Variants in GPR39 observed in about 807,000 individuals in gnomAD.
The protein encoded by GPR39 is zinc sensing receptor.
A neutral mutation model predicts 18.4 loss-of-function variants in GPR39; 23 were observed. The observed-to-expected ratio is 1.25, with a 90% CI of 0.90 to 1.77. The LOEUF (loss-of-function observed/expected upper bound fraction) is 1.77, where lower values mean the gene tolerates loss of function less well. GPR39 is among the 40% of genes most tolerant of loss of function. GPR39 has a pLI of 0.00. For synonymous variants in GPR39, 280 were observed against 257.9 expected, an observed-to-expected ratio of 1.09 and a Z score of -0.82; for missense variants, 647 against 602.4, an observed-to-expected ratio of 1.07 and a Z score of -0.78.
intron 1 of GPR39, among the ~76,000 whole-genome samples, chr2:132,567,818 T>G (rs988440078): frequency 2.6e-5 from 4 of 152,200 alleles, no homozygotes; most frequent in African/African-American, 9.6e-5. Flanking sequence ...TTAATTGGTC[T>G]TTCCTGTGCG....
chr2:132,600,867 C>G (rs1317906298), intron 1 of GPR39, among the ~76,000 whole-genome samples: 1 of 152,006 alleles, frequency 6.6e-6, no homozygotes, highest in African/African-American at 2.4e-5. Context: ...GTAGTGAAGT[C>G]TGGGCTTTTA....
chr2:132,591,329 C>T (rs1260708645), intron 1 of GPR39, among the ~76,000 whole-genome samples: 2 of 151,720 alleles, frequency 1.3e-5, no homozygotes, highest in Non-Finnish European at 2.9e-5. Flanking sequence ...GTCTTCTGGC[C>T]TCCATCTTTC....
intron 1 of GPR39, among the ~76,000 whole-genome samples, chr2:132,564,109 A>G (rs771245633): frequency 6.7e-4 from 102 of 152,354 alleles, no homozygotes; most frequent in Middle Eastern, 6.8e-3. Flanking sequence ...ACCTGTCAGG[A>G]ACATATTTAT....
At chr2:132,548,229 G>A (rs1299681817) in intron 1 of GPR39, among the ~76,000 whole-genome samples, 1 of 152,142 alleles carries the variant, frequency 6.6e-6, no homozygotes, top group Non-Finnish European at 1.5e-5. Context: ...ATTTGGTGCT[G>A]CTCGTGCTGA....
At chr2:132,550,912 AG>A (rs1352125022) in intron 1 of GPR39, among the ~76,000 whole-genome samples, 1 of 152,174 alleles carries the variant, frequency 6.6e-6, no homozygotes, top group Non-Finnish European at 1.5e-5. Context: ...AATTTTGGAA[AG>A]GGGGCTTTGT....
intron 1 of GPR39, among the ~76,000 whole-genome samples, chr2:132,575,804 T>C (rs886605138): frequency 1.3e-5 from 2 of 152,210 alleles, no homozygotes; most frequent in Non-Finnish European, 2.9e-5. Flanking sequence ...CCTCCTAAAA[T>C]TGATATGATG....
At chr2:132,634,874 C>CCCATAGGG (rs1681720877) in intron 1 of GPR39, among the ~76,000 whole-genome samples, 1 of 152,058 alleles carries the variant, frequency 6.6e-6, no homozygotes, top group African/African-American at 2.4e-5. Flanking sequence ...CTGTTTGTAC[C>CCCATAGGG]CCATAGGGCC....
chr2:132,623,193 A>T (rs1420758946), intron 1 of GPR39, among the ~76,000 whole-genome samples: 1 of 152,150 alleles, frequency 6.6e-6, no homozygotes, highest in Non-Finnish European at 1.5e-5. Context: ...AGGAAAAAAA[A>T]AGTCAGAGCT....
chr2:132,574,888 A>C (rs921082191), intron 1 of GPR39, among the ~76,000 whole-genome samples: 4 of 152,158 alleles, frequency 2.6e-5, no homozygotes, highest in African/African-American at 9.7e-5. Flanking sequence ...TTTAAGATTA[A>C]ACAGGCACTA....
intron 1 of GPR39, among the ~76,000 whole-genome samples, chr2:132,587,351 G>C (rs1358605480): frequency 6.6e-6 from 1 of 152,180 alleles, no homozygotes; most frequent in Non-Finnish European, 1.5e-5. Flanking sequence ...ATTACTCTCT[G>C]TCATAATAGG....
intron 1 of GPR39, among the ~76,000 whole-genome samples, chr2:132,530,740 A>T (rs1435644032): frequency 6.6e-6 from 1 of 152,256 alleles, no homozygotes; most frequent in African/African-American, 2.4e-5. Flanking sequence ...AGAATTTCAT[A>T]TCCAGCCAAA....
intron 1 of GPR39, among the ~76,000 whole-genome samples, chr2:132,432,768 C>T (rs1187387628): frequency 2.6e-5 from 4 of 152,040 alleles, no homozygotes; most frequent in Non-Finnish European, 4.4e-5. Flanking sequence ...GGTATATGTC[C>T]CAATCTCCTT....
In GPR39 at chr2:132,575,369, TATAAGAA is replaced by T. The variant is rs1309240111; in HGVS notation, c.857-69725_857-69719del. On this transcript the variant is annotated intron_variant, in intron 1 of 1. Coordinates refer to ENST00000329321, the MANE Select transcript of GPR39 (RefSeq NM_001508.3). ...AGATAAAGGTAAATTCATCTGCAAT[TATAAGAA>T]ATAAGAGATCCCTCACACCTTCTAC... 1.5e-4 allele frequency among the ~76,000 whole-genome samples: 23 copies of T among 152,350 alleles called. 1 individual carries two copies. The highest frequency in any genetic ancestry group is 5.2e-4 in the Admixed American group (8 of 15,306).
At chr2:132,529,479 G>C (rs527693637) in intron 1 of GPR39, among the ~76,000 whole-genome samples, 10 of 152,330 alleles carry the variant, frequency 6.6e-5, no homozygotes, top group East Asian at 3.9e-4. Context: ...CTTAAATGTC[G>C]CTGTCTGACA....
chr2:132,558,651 A>G (rs559231982), intron 1 of GPR39, among the ~76,000 whole-genome samples: 1 of 152,312 alleles, frequency 6.6e-6, no homozygotes, highest in Non-Finnish European at 1.5e-5. Flanking sequence ...CTGATTAACA[A>G]GACGATGCAC....
intron 1 of GPR39, among the ~76,000 whole-genome samples, chr2:132,584,450 G>A (rs1045044671): frequency 2.6e-5 from 4 of 152,062 alleles, no homozygotes; most frequent in Non-Finnish European, 5.9e-5. Flanking sequence ...GCCAGAAATG[G>A]TACAGTCACT....
At chr2:132,502,732 A>G (rs188880460) in intron 1 of GPR39, among the ~76,000 whole-genome samples, 1 of 152,340 alleles carries the variant, frequency 6.6e-6, no homozygotes, top group African/African-American at 2.4e-5. Context: ...CATTTAACAT[A>G]GTCCCAAACT....
chr2:132,478,575 A>G (rs2104787986), intron 1 of GPR39, among the ~76,000 whole-genome samples: 1 of 152,380 alleles, frequency 6.6e-6, no homozygotes, highest in South Asian at 2.1e-4. Flanking sequence ...CAGAAAGCTC[A>G]GTCAGGAGGG....
intron 1 of GPR39, among the ~76,000 whole-genome samples, chr2:132,437,183 C>A (rs1170625923): frequency 6.6e-6 from 1 of 152,220 alleles, no homozygotes; most frequent in African/African-American, 2.4e-5. Flanking sequence ...AGTGCACACA[C>A]CCGCACAGGC....
Sources: allele counts gnomAD v4.1 joint callset (sites outside exome capture counted in the v4.1 genomes callset), GRCh38; gene constraint gnomAD v4.1.1; transcripts MANE v1.5; gene names NCBI Gene and HGNC (gene_info 2026-07-23, HGNC 2026-07-21).